The following PER1 variants were observed in gnomAD, a reference collection of about 807,000 sequenced individuals.
PER1 encodes the protein period circadian regulator 1, also known as period circadian protein homolog 1.
A neutral mutation model predicts 125.9 loss-of-function variants in PER1; 87 were observed. That is an observed-to-expected ratio of 0.69 (90% confidence interval 0.58 to 0.83). The LOEUF is 0.83. Among genes scored for constraint, PER1 ranks in the 40% least tolerant of loss-of-function variants. The pLI is 0.00. For synonymous variants in PER1, 801 were observed against 714.7 expected (o/e 1.12, Z -1.93); for missense variants, 1,775 against 1,722.8 (o/e 1.03, Z -0.54).
At chr17:8,142,528 C>A (rs796435076) in intron 20 of PER1, 70 bp from the exon 21 acceptor site, 1 of 1,546,984 alleles carries the variant, frequency 6.5e-7, no homozygotes, top group Non-Finnish European at 8.7e-7. Flanking sequence ...CTCACAAGGC[C>A]TCCCTCAAAG....
chr17:8,146,625 G>A lies in PER1; in HGVS notation c.1876C>T (p.Gln626Ter), dbSNP rs1356061635. The stretch of plus-strand genomic sequence containing the variant: ...ATGCTGTCCAGGCAGTTGATCTGCT[G>A]GTAGGAGCAGCTGGAGGCTTCTTTC... ...ERKEASSCSY[Q>*]QINCLDSILR... is the part of the protein sequence containing the mutation. The change falls in exon 15 of 23, where the codon CAG becomes TAG. Residue 626 changes from glutamine (Q) to a stop codon, truncating the protein, a stop_gained. Coordinates refer to ENST00000317276, the MANE Select transcript of PER1 (RefSeq NM_002616.3). LOFTEE classifies it high-confidence loss of function. The A allele has an allele frequency of 1.9e-6, 3 of 1,612,892 alleles. No individual in the cohort carries two copies. The highest frequency in any genetic ancestry group is 2.5e-6 in the Non-Finnish European group (3 of 1,179,492).
Position 8,144,998 on chromosome 17 carries a change from G to A in PER1, c.2219-5C>T, listed in dbSNP as rs759644484. On this transcript the variant is annotated splice_region_variant and splice_polypyrimidine_tract_variant and intron_variant, in intron 17 of 22. Coordinates refer to ENST00000317276, the MANE Select transcript of PER1 (RefSeq NM_002616.3). The stretch of plus-strand genomic sequence containing the variant: ...GGTCCTCCATCATGATGATGTCTGA[G>A]GAGAGTGAGATAGGGAAAGGTCATC... The A allele has an allele frequency of 1.4e-6, 2 of 1,473,316 alleles. No homozygotes were observed. Among genetic ancestry groups the A allele is most frequent in the Admixed American group, 4.8e-5 (2 of 41,384 alleles). The allele number at this position is 1,473,316 out of a possible 1,614,324, so 91.3% of individuals were successfully genotyped here.
At chr17:8,146,850 G>A (rs915154219) in intron 14 of PER1, 47 bp downstream of exon 14, 5 of 1,603,968 alleles carry the variant, frequency 3.1e-6, no homozygotes, top group Non-Finnish European at 4.3e-6. Flanking sequence ...GAAGGTCAGG[G>A]GACCCCCCAG....
chr17:8,148,354 C>T, intron 8 of PER1, 95 bp from the exon 9 acceptor site: 1 of 1,062,068 alleles, frequency 9.4e-7, no homozygotes, highest in Non-Finnish European at 1.4e-6. Flanking sequence ...TGATGATCTG[C>T]CACACAGCTC....
chr17:8,142,414 C>G lies in PER1; in HGVS notation c.3304G>C (p.Asp1102His). ...SHTSKYFGSI[D>H]SSEAEAGAAR... ...GCCCCAGCCTCAGCCTCGGAAGAGT[C>G]GATGCTGCCAAAGTATTTGCTTGTG... Residue 1102 changes from aspartate to histidine, a missense_variant, in exon 21 of 23, where the codon GAC (aspartate) becomes CAC (histidine). By Grantham distance (81) the Asp-to-His change is moderately conservative. Coordinates refer to ENST00000317276, the MANE Select transcript of PER1 (RefSeq NM_002616.3). 1.2e-6 allele frequency: 2 copies of G among 1,605,562 alleles called. No homozygotes were observed. Among genetic ancestry groups the G allele is most frequent in the Non-Finnish European group, 1.7e-6 (2 of 1,176,436 alleles).
Position 8,140,973 on chromosome 17 carries a change from C to A in PER1, c.*95G>T. On this transcript the variant is annotated 3_prime_UTR_variant, in exon 23 of 23. Coordinates refer to ENST00000317276, the MANE Select transcript of PER1 (RefSeq NM_002616.3). ...TGGTGGGAGAAGCTGGGGCAGTTTCCCACTGGTTGGTCTAGCCACATCTGA... is the reference window on the plus strand; with the variant it reads ...TGGTGGGAGAAGCTGGGGCAGTTTCACACTGGTTGGTCTAGCCACATCTGA... 1 of 1,395,380 alleles carries A rather than the reference C, an allele frequency of 7.2e-7. No individual in the cohort carries two copies. The highest frequency in any genetic ancestry group is 1.4e-5 in the African/African-American group (1 of 69,552). 86.4% of individuals were successfully genotyped at this position (1,395,380 alleles called of 1,614,324 possible). A position where few individuals can be genotyped will look rare whatever the true frequency, so the allele number is the denominator to read the frequency against.
chr17:8,142,194 C>T, intron 21 of PER1, 75 bp downstream of exon 21: 2 of 1,270,128 alleles, frequency 1.6e-6, no homozygotes, highest in South Asian at 1.4e-5. Context: ...CAGGGCAGAG[C>T]CAGCCCCAGA....
chr17:8,145,230 C>T (rs1054533262), intron 17 of PER1: 7 of 389,224 alleles, frequency 1.8e-5, no homozygotes, highest in Non-Finnish European at 2.7e-5. Flanking sequence ...CCAGTGGCCA[C>T]TCCCTGCCAG....
At chr17:8,141,439 G>A in intron 22 of PER1, 99 bp from the exon 23 acceptor site, 1 of 1,361,698 alleles carries the variant, frequency 7.3e-7, no homozygotes. Context: ...TTCCCGAAAT[G>A]TACTCCCAAG....
rs1300414499 is a variant in PER1, at chr17:8,147,806, G to A, written c.1256C>T (p.Pro419Leu). 1 of 1,613,910 alleles carries A rather than the reference G, an allele frequency of 6.2e-7. No homozygotes were observed. Residue 419 changes from proline (P) to leucine (L), a missense_variant, in exon 11 of 23, where the codon CCC becomes CTC. Physicochemically the swap from Pro to Leu is moderately conservative, Grantham distance 98. Transcript: ENST00000317276. Reference protein sequence around the residue: ...HKKILQLAGQPFDHSPIRFCA... With the variant: ...HKKILQLAGQLFDHSPIRFCA... ...GAAGCGGATAGGGGAGTGGTCAAAG[G>A]GCTGGCCCGCCAACTGCAGAACTGA... is the stretch of plus-strand genomic sequence containing the variant.
chr17:8,143,185 A>G, intron 19 of PER1, 81 bp downstream of exon 19: 1 of 1,048,952 alleles, frequency 9.5e-7, no homozygotes, highest in Non-Finnish European at 1.3e-6. Context: ...CCAGCCTGGC[A>G]GAGACAGCAG....
Position 8,150,847 on chromosome 17 carries a change from T to C in PER1, c.-139-2A>G. The C allele has an allele frequency of 1.4e-6, 1 of 718,492 alleles. No homozygotes were observed. The highest frequency in any genetic ancestry group is 2.2e-6 in the Non-Finnish European group (1 of 459,476). The allele number at this position is 718,492 out of a possible 1,614,324, so 44.5% of individuals were successfully genotyped here. A position where few individuals can be genotyped will look rare whatever the true frequency, so the allele number is the denominator to read the frequency against. ...GAGAAGTTCGATCACAGCCAGTACC[T>C]GGAGAGGGAGACCAGGAAGCAGGGC... On this transcript the variant is annotated splice_acceptor_variant, in intron 1 of 22. Transcript: ENST00000317276. LOFTEE classifies it low-confidence loss of function (5UTR_SPLICE).
Position 8,143,738 on chromosome 17 carries a change from G to T in PER1, c.2600C>A (p.Pro867His). The T allele has an allele frequency of 1.3e-6, 2 of 1,556,640 alleles. No individual in the cohort carries two copies. Among genetic ancestry groups the T allele is most frequent in the Non-Finnish European group, 1.7e-6 (2 of 1,145,528 alleles). The stretch of plus-strand genomic sequence containing the variant: ...GGTAGTGGCTGGTGGGGTGGGCCAG[G>T]GGGTGGAGGGTGGCACGGGTGAGGG... The part of the protein sequence containing the change: ...SHPSPVPPST[P>H]WPTPPATTPF... The change falls in exon 19 of 23, where the codon CCC (proline) becomes CAC (histidine). Residue 867 changes from proline (P) to histidine (H), a missense_variant. Physicochemically the swap from Pro to His is moderately conservative, Grantham distance 77. Transcript: ENST00000317276.
chr17:8,149,869 C>G lies in PER1; in HGVS notation c.537G>C (p.Gln179His). 1 of 1,614,174 alleles carries G rather than the reference C, an allele frequency of 6.2e-7. No homozygotes were observed. The highest frequency in any genetic ancestry group is 8.5e-7 in the Non-Finnish European group (1 of 1,180,042). ...CCAGGCTCCACTGCTGGTAGTATTC[C>G]TGGTTGGCTGCAGAGTGGAGGCAGT... ...LACVKQVQANQEYYQQWSLEE... is the reference protein window; with the variant it reads ...LACVKQVQANHEYYQQWSLEE... Residue 179 changes from glutamine (Q) to histidine (H), a missense_variant, in exon 5 of 23, where the codon CAG (glutamine) becomes CAC (histidine). Gln to His is a conservative substitution (Grantham distance 24). Coordinates refer to ENST00000317276, the MANE Select transcript of PER1 (RefSeq NM_002616.3).
Position 8,146,938 on chromosome 17 carries a change from A to G in PER1, c.1694T>C (p.Ile565Thr), listed in dbSNP as rs1486648788. 6.8e-6 allele frequency: 11 copies of G among 1,614,040 alleles called. No individual in the cohort carries two copies. The highest frequency in any genetic ancestry group is 6.7e-5 in the East Asian group (3 of 44,886). Residue 565 changes from isoleucine to threonine, a missense_variant, in exon 14 of 23, where the codon ATT becomes ACT. Coordinates refer to ENST00000317276, the MANE Select transcript of PER1 (RefSeq NM_002616.3). ...LVKHQGQQLF[I>T]ESRARPQSRP... ...GGACTGAGGCCGGGCCCGAGACTCAATAAAAAGCTGCTGGCCCTGGTGCTT... is the reference window on the plus strand; with the variant it reads ...GGACTGAGGCCGGGCCCGAGACTCAGTAAAAAGCTGCTGGCCCTGGTGCTT...
In PER1 at chr17:8,148,099, C is replaced by G. The variant is rs1422971790; in HGVS notation, c.1132G>C (p.Ala378Pro). 2.5e-6 allele frequency: 4 copies of G among 1,612,530 alleles called. No individual in the cohort carries two copies. Among genetic ancestry groups the G allele is most frequent in the Non-Finnish European group, 1.7e-6 (2 of 1,179,336 alleles). Reference sequence around the variant, plus strand: ...TGGGGCAGGTAGCCCAGCAGGGGGGCAGCCCTGAACGGGAAGGAGGCATCA... The same window carrying G: ...TGGGGCAGGTAGCCCAGCAGGGGGGGAGCCCTGAACGGGAAGGAGGCATCA... ...CLFQDVDERAAPLLGYLPQDL... is the reference protein window; with the variant it reads ...CLFQDVDERAPPLLGYLPQDL... Residue 378 changes from alanine (A) to proline (P), a missense_variant, in exon 10 of 23, where the codon GCC becomes CCC. By Grantham distance (27) the Ala-to-Pro change is conservative. Transcript: ENST00000317276.
At chr17:8,150,893 TC>T in intron 1 of PER1, 48 bp from the exon 2 acceptor site, 1 of 558,806 alleles carries the variant, frequency 1.8e-6, no homozygotes, top group Non-Finnish European at 3.1e-6. Flanking sequence ...CTGGTTTAAC[TC>T]CAGAGCACCT....
rs112474322 is a variant in PER1 at position 8,143,346 on chromosome 17, C to T, written c.2992G>A (p.Ala998Thr). 29,045 of 1,610,170 alleles carry T rather than the reference C, an allele frequency of 0.018. 349 individuals carry two copies. Among genetic ancestry groups the T allele is most frequent in the Middle Eastern group, 0.056 (337 of 5,996 alleles). ...CTCCCAGGGCCTCCTGCAACAGCAG[C>T]CCCCTCAGCACGGGGGAGCTCCTCC... Reference protein sequence around the residue: ...QLEELPRAEGAAVAGGPGSSA... With the variant: ...QLEELPRAEGTAVAGGPGSSA... The change falls in exon 19 of 23, where the codon GCT (alanine) becomes ACT (threonine). Residue 998 changes from alanine (A) to threonine (T), a missense_variant. Ala to Thr is a moderately conservative substitution (Grantham distance 58). Coordinates refer to ENST00000317276, the MANE Select transcript of PER1 (RefSeq NM_002616.3).
chr17:8,146,543 G>A (rs1461439954), intron 15 of PER1, 41 bp from the exon 16 acceptor site: 3 of 1,603,626 alleles, frequency 1.9e-6, no homozygotes, highest in Non-Finnish European at 2.6e-6. Context: ...GCAGGGCTTG[G>A]GGTGGGCAGG....
Sources: gnomAD v4.1 joint callset for allele counts on GRCh38, gnomAD v4.1.1 for gene constraint, MANE v1.5 for transcripts, NCBI Gene and HGNC (gene_info 2026-07-23, HGNC 2026-07-21) for gene names.